The following ANKFN1 variants were observed in gnomAD, a reference collection of about 807,000 sequenced individuals.
ANKFN1 encodes the protein ankyrin repeat and fibronectin type-III domain-containing protein 1.
A neutral mutation model predicts 108.7 loss-of-function variants in ANKFN1; 74 were observed. That is an observed-to-expected ratio of 0.68 (90% CI 0.56 to 0.83). The LOEUF (loss-of-function observed/expected upper bound fraction) is 0.83. ANKFN1 is among the 40% of genes least tolerant of loss of function. ANKFN1 has a pLI of 0.00. For synonymous variants in ANKFN1, 547 were observed against 516.2 expected (o/e 1.06, Z -0.81); for missense variants, 1,505 against 1,382.3 (o/e 1.09, Z -1.41).
intron 4 of ANKFN1, among the ~76,000 whole-genome samples, chr17:56,068,277 T>G (rs972839195): frequency 1.3e-5 from 2 of 151,698 alleles, no homozygotes; most frequent in African/African-American, 4.8e-5. Context: ...TTAAAGGGAG[T>G]TGAATGATGG....
chr17:56,480,682 G>T lies in ANKFN1; in HGVS notation c.1955G>T (p.Trp652Leu), dbSNP rs764867530. Residue 652 changes from tryptophan to leucine, a missense_variant, in exon 17 of 21, where the codon TGG (tryptophan) becomes TTG (leucine). Coordinates refer to ENST00000682825, the MANE Select transcript of ANKFN1 (RefSeq NM_001370326.1). Reference protein sequence around the residue: ...NNNISREEWEWIQKLSGSESM... With the variant: ...NNNISREEWELIQKLSGSESM... ...TCAACATACAGAGAGGAATGGGAATGGATCCAAAAGCTTTCTGGCTCTGAA... is the reference window on the plus strand; with the variant it reads ...TCAACATACAGAGAGGAATGGGAATTGATCCAAAAGCTTTCTGGCTCTGAA... The T allele has an allele frequency of 6.2e-7, 1 of 1,613,826 alleles. No individual in the cohort carries two copies. The highest frequency in any genetic ancestry group is 1.1e-5 in the South Asian group (1 of 91,058).
intron 3 of ANKFN1, among the ~76,000 whole-genome samples, chr17:56,237,001 G>A (rs1201916570): frequency 6.6e-6 from 1 of 152,112 alleles, no homozygotes; most frequent in Non-Finnish European, 1.5e-5. Context: ...AGCCATTTCT[G>A]CATCTATTGA....
intron 3 of ANKFN1, among the ~76,000 whole-genome samples, chr17:56,308,871 G>C (rs1262540128): frequency 2.6e-5 from 4 of 152,170 alleles, no homozygotes; most frequent in Non-Finnish European, 5.9e-5. Context: ...GAATTACATT[G>C]ATTGGTGTCC....
chr17:56,200,418 T>G (rs1263812716), intron 1 of ANKFN1, among the ~76,000 whole-genome samples: 1 of 152,214 alleles, frequency 6.6e-6, no homozygotes, highest in African/African-American at 2.4e-5. Flanking sequence ...TTTAGTTGCT[T>G]CATCCATAAA....
At chr17:56,202,849 A>G (rs1201138277) in intron 1 of ANKFN1, among the ~76,000 whole-genome samples, 1 of 152,260 alleles carries the variant, frequency 6.6e-6, no homozygotes, top group Non-Finnish European at 1.5e-5. Flanking sequence ...TTATCATCCA[A>G]CTGTAAAAAG....
intron 3 of ANKFN1, among the ~76,000 whole-genome samples, chr17:56,315,710 T>C (rs2045184164): frequency 6.6e-6 from 1 of 152,294 alleles, no homozygotes; most frequent in East Asian, 1.9e-4. Context: ...CCTCTACTCC[T>C]TAGAAAGTAG....
intron 4 of ANKFN1, among the ~76,000 whole-genome samples, chr17:56,333,465 A>G (rs2045721526): frequency 6.6e-6 from 1 of 152,138 alleles, no homozygotes. Context: ...ATTAAATTAC[A>G]TTGACATTAA....
At chr17:56,391,127 A>C (rs1208198535) in intron 8 of ANKFN1, among the ~76,000 whole-genome samples, 2 of 150,354 alleles carry the variant, frequency 1.3e-5, no homozygotes, top group East Asian at 3.9e-4. Context: ...AGGAATTCTC[A>C]AACCAAGCTG....
At chr17:56,121,848 G>C (rs1906640620) in intron 4 of ANKFN1, among the ~76,000 whole-genome samples, 1 of 152,198 alleles carries the variant, frequency 6.6e-6, no homozygotes, top group African/African-American at 2.4e-5. Context: ...TAGAGCCCTA[G>C]AGGGCCTCCT....
At chr17:56,254,727 T>A (rs1295267047) in intron 3 of ANKFN1, among the ~76,000 whole-genome samples, 6 of 152,134 alleles carry the variant, frequency 3.9e-5, no homozygotes, top group African/African-American at 1.4e-4. Context: ...TGGATGGAAC[T>A]TTCACAAGAC....
Position 56,514,088 on chromosome 17 carries a change from A to G in ANKFN1, c.*2819A>G, listed in dbSNP as rs1363432621. On this transcript the variant is annotated 3_prime_UTR_variant, in exon 21 of 21. Transcript: ENST00000682825. ...TTTGTTTTGTTTAATTTTGGATACA[A>G]TGGATTTTTGTCTTTCACTCTTTTT... Among the ~76,000 whole-genome samples the G allele has an allele frequency of 2.0e-5, 3 of 152,154 alleles. No homozygotes were observed. The highest frequency in any genetic ancestry group is 2.1e-4 in the South Asian group (1 of 4,824).
Position 56,499,096 on chromosome 17 carries a change from G to A in ANKFN1, c.2642G>A (p.Ser881Asn). Reference sequence around the variant, plus strand: ...GAGATGCACAGAAGAAAGACAGTGAGTGGTAAGCAATGAGATCTGAAGTTC... The same window carrying A: ...GAGATGCACAGAAGAAAGACAGTGAATGGTAAGCAATGAGATCTGAAGTTC... Reference protein sequence around the residue: ...SPEMHRRKTVSDSQPCSDEEA... With the variant: ...SPEMHRRKTVNDSQPCSDEEA... The change falls in exon 20 of 21, where the codon AGT becomes AAT. Residue 881 changes from serine (S) to asparagine (N), a missense_variant and splice_region_variant. Physicochemically the swap from Ser to Asn is conservative, Grantham distance 46. Transcript: ENST00000682825. The A allele has an allele frequency of 6.5e-7, 1 of 1,535,334 alleles. No individual in the cohort carries two copies. The highest frequency in any genetic ancestry group is 8.7e-7 in the Non-Finnish European group (1 of 1,146,390).
chr17:56,339,989 T>C (rs1567926780), intron 4 of ANKFN1, among the ~76,000 whole-genome samples: 4 of 152,184 alleles, frequency 2.6e-5, no homozygotes, highest in Non-Finnish European at 5.9e-5. Context: ...TTTTTAATAG[T>C]AGCCATTCTG....
chr17:56,361,444 G>A (rs764539909), intron 6 of ANKFN1, among the ~76,000 whole-genome samples: 6 of 151,906 alleles, frequency 3.9e-5, no homozygotes, highest in Non-Finnish European at 8.8e-5. Flanking sequence ...CTTAGAAAAG[G>A]CTAAAAATTA....
chr17:56,214,999 T>A (rs1915319745), intron 2 of ANKFN1, among the ~76,000 whole-genome samples: 1 of 152,206 alleles, frequency 6.6e-6, no homozygotes, highest in East Asian at 1.9e-4. Context: ...AATAAATAAG[T>A]CCCCATCCAC....
At chr17:56,343,353 T>C (rs1193224661) in intron 4 of ANKFN1, among the ~76,000 whole-genome samples, 1 of 151,988 alleles carries the variant, frequency 6.6e-6, no homozygotes, top group African/African-American at 2.4e-5. Context: ...ATTTTTGAAA[T>C]GTAGTTTTGT....
intron 8 of ANKFN1, among the ~76,000 whole-genome samples, chr17:56,439,715 T>C (rs1406480323): frequency 6.6e-6 from 1 of 152,174 alleles, no homozygotes; most frequent in African/African-American, 2.4e-5. Context: ...GATGTGGAGA[T>C]AATGAAAGGA....
chr17:56,074,589 G>T (rs887670550), intron 4 of ANKFN1, among the ~76,000 whole-genome samples: 8 of 152,222 alleles, frequency 5.3e-5, no homozygotes, highest in Non-Finnish European at 1.2e-4. Flanking sequence ...ACGAGCCTGA[G>T]AAAACAGGAG....
At chr17:56,366,323 G>C (rs1045977002) in intron 6 of ANKFN1, among the ~76,000 whole-genome samples, 3 of 152,140 alleles carry the variant, frequency 2.0e-5, no homozygotes, top group African/African-American at 7.2e-5. Flanking sequence ...GTGGCTCTAG[G>C]GAAAGCAGAA....
Sources: allele counts gnomAD v4.1 joint callset (sites outside exome capture counted in the v4.1 genomes callset), GRCh38; gene constraint gnomAD v4.1.1; transcripts MANE v1.5; gene names NCBI Gene and HGNC (gene_info 2026-07-23, HGNC 2026-07-21).